The following CDCA5 variants were observed in gnomAD, a reference collection of about 807,000 sequenced individuals.
CDCA5 encodes the protein sororin.
CDCA5 carries 14 observed loss-of-function variants against 25.7 expected under a neutral mutation model. The ratio of observed to expected loss-of-function variants is 0.54; its 90% confidence interval spans 0.36 to 0.85. The LOEUF is 0.85. Among genes scored for constraint, CDCA5 ranks in the 40% least tolerant of loss-of-function variants. The pLI, the probability that CDCA5 is intolerant of heterozygous loss-of-function variation, is 0.01. For synonymous variants in CDCA5, 127 were observed against 128.7 expected, an observed-to-expected ratio of 0.99 and a Z score of 0.09; for missense variants, 307 against 324.5, an observed-to-expected ratio of 0.95 and a Z score of 0.41.
intron 1 of CDCA5, among the ~76,000 whole-genome samples, chr11:65,072,366 G>A (rs115152106): frequency 9.8e-4 from 149 of 152,332 alleles, no homozygotes; most frequent in African/African-American, 3.3e-3. Flanking sequence ...GTGAGCTACC[G>A]GGCTGAGGAC....
intron 1 of CDCA5, among the ~76,000 whole-genome samples, chr11:65,070,047 G>T (rs959246229): frequency 3.9e-5 from 6 of 152,242 alleles, no homozygotes; most frequent in African/African-American, 1.4e-4. Flanking sequence ...AGGATGTGCC[G>T]CCGGGTCTCA....
chr11:65,068,012 C>G (rs1433798662), intron 3 of CDCA5: 1 of 1,283,350 alleles, frequency 7.8e-7, no homozygotes, highest in South Asian at 1.2e-5. Context: ...CTCTCTCTCT[C>G]TCATGCAGCC....
intron 4 of CDCA5, among the ~76,000 whole-genome samples, 155 bp from the exon 5 acceptor site, chr11:65,079,942 G>A (rs1384771935): frequency 2.0e-5 from 3 of 150,372 alleles, no homozygotes; most frequent in Non-Finnish European, 4.4e-5. Context: ...CCAGGCTGGA[G>A]TGCAGTGGCA....
chr11:65,079,548 G>A lies in CDCA5; in HGVS notation c.483C>T (p.Gly161=). The A allele has an allele frequency of 6.2e-7, 1 of 1,614,138 alleles. No homozygotes were observed. The highest frequency in any genetic ancestry group is 8.5e-7 in the Non-Finnish European group (1 of 1,180,002). The change falls in exon 5 of 6, where the codon GGC becomes GGT. Residue 161 remains glycine, a synonymous_variant. Coordinates refer to ENST00000275517, the MANE Select transcript of CDCA5 (RefSeq NM_080668.4). ...CCTCGAAGCCAAAGCAGGACCGGCG[G>A]CCTGGGGTGGAGGTAGAGGCAGAGC... ...TLGSASTSTP[G]RRSCFGFEGL... is the part of the protein sequence containing the mutation.
At chr11:65,067,951 T>G (rs921523447) in intron 3 of CDCA5, 2 of 1,042,814 alleles carry the variant, frequency 1.9e-6, no homozygotes, top group African/African-American at 3.3e-5. Flanking sequence ...ACCATCCACC[T>G]CCCCCAGTTT....
At chr11:65,076,404 T>C (rs1224145515), downstream of CDCA5, among the ~76,000 whole-genome samples, 5 of 152,194 alleles carry the variant, frequency 3.3e-5, no homozygotes, top group Non-Finnish European at 5.9e-5. Context: ...TGTCAGCCAC[T>C]GTGCCCAGCC....
rs1277571616 is a variant in CDCA5 at position 65,084,008 on chromosome 11, C to T, written c.-30G>A. 21 of 1,595,044 alleles carry T rather than the reference C, an allele frequency of 1.3e-5. No individual in the cohort carries two copies. The highest frequency in any genetic ancestry group is 1.8e-5 in the Non-Finnish European group (21 of 1,172,304). ...TAGGCTCCGTCTCGAGCTCCTCCAG[C>T]GCCGCCGCCCCGGGCGCGCGCCAAC... On this transcript the variant is annotated 5_prime_UTR_variant, in exon 1 of 6. Coordinates refer to ENST00000275517, the MANE Select transcript of CDCA5 (RefSeq NM_080668.4).
At chr11:65,071,238 G>A (rs11227114) in intron 1 of CDCA5, among the ~76,000 whole-genome samples, 8 of 151,104 alleles carry the variant, frequency 5.3e-5, no homozygotes, top group South Asian at 2.1e-4. Context: ...CACCGTGCTC[G>A]GCCGGGATTT....
downstream of CDCA5, among the ~76,000 whole-genome samples, chr11:65,061,856 C>T (rs115141806): frequency 5.1e-3 from 770 of 150,764 alleles, 4 homozygotes; most frequent in African/African-American, 0.017. Context: ...ACCAGAAACC[C>T]GCAAGTATAT....
Position 65,077,684 on chromosome 11 carries a change from C to T in CDCA5, c.*1423G>A. On this transcript the variant is annotated 3_prime_UTR_variant, in exon 6 of 6. Transcript: ENST00000275517. Reference sequence around the variant, plus strand: ...GCGGTTCAGCTCAAGGACACCTAGGCTTCCCCAGCAGGGGGCTTGCTTGCA... The same window carrying T: ...GCGGTTCAGCTCAAGGACACCTAGGTTTCCCCAGCAGGGGGCTTGCTTGCA... 4.1e-6 allele frequency: 4 copies of T among 985,492 alleles called. No homozygotes were observed. Among genetic ancestry groups the T allele is most frequent in the Non-Finnish European group, 4.8e-6 (4 of 829,974 alleles). The allele number at this position is 985,492 out of a possible 1,614,324, so 61.0% of individuals were successfully genotyped here. A position where few individuals can be genotyped will look rare whatever the true frequency, so the allele number is the denominator to read the frequency against.
In CDCA5 at chr11:65,083,543, C is replaced by G; in HGVS notation, c.149G>C (p.Ser50Thr). The G allele has an allele frequency of 6.2e-7, 1 of 1,614,176 alleles. No homozygotes were observed. The highest frequency in any genetic ancestry group is 8.5e-7 in the Non-Finnish European group (1 of 1,180,024). The part of the protein sequence containing the change: ...ILPEIWPKTP[S>T]AAAVRKPIVL... ...GATGGGCTTTCTGACTGCAGCCGCA[C>G]TGGGTGTCTGGAGAAGAGGGATGAA... The change falls in exon 3 of 6, where the codon AGT becomes ACT. Residue 50 changes from serine (S) to threonine (T), a missense_variant. Transcript: ENST00000275517.
At chr11:65,073,355 C>G (rs1947377826), downstream of CDCA5, among the ~76,000 whole-genome samples, 1 of 152,194 alleles carries the variant, frequency 6.6e-6, no homozygotes, top group South Asian at 2.1e-4. Flanking sequence ...CCTGGGATCA[C>G]ACAGCTAGAA....
downstream of CDCA5, among the ~76,000 whole-genome samples, chr11:65,061,889 G>A (rs1040083004): frequency 8.9e-5 from 13 of 146,876 alleles, no homozygotes; most frequent in Admixed American, 6.8e-4. Context: ...ACCCATCCCC[G>A]AACTCTTGTA....
At chr11:65,077,004 C>T (rs2062222024), downstream of CDCA5, among the ~76,000 whole-genome samples, 1 of 152,148 alleles carries the variant, frequency 6.6e-6, no homozygotes, top group South Asian at 2.1e-4. Context: ...CGGGGCAGGA[C>T]AGGCCAGGCG....
In CDCA5 at chr11:65,077,558, G is replaced by T; in HGVS notation, c.*1549C>A. On this transcript the variant is annotated 3_prime_UTR_variant, in exon 6 of 6. Transcript: ENST00000275517. Reference sequence around the variant, plus strand: ...CAGGAACAGAGAACTTTGCAATGATGATCTCAACTCTGCATCATCTGGTGA... The same window carrying T: ...CAGGAACAGAGAACTTTGCAATGATTATCTCAACTCTGCATCATCTGGTGA... The T allele has an allele frequency of 1.0e-6, 1 of 985,412 alleles. No individual in the cohort carries two copies. The highest frequency in any genetic ancestry group is 1.2e-6 in the Non-Finnish European group (1 of 829,914). 61.0% of individuals were successfully genotyped at this position (985,412 alleles called of 1,614,324 possible).
chr11:65,071,102 C>G lies in CDCA5; in HGVS notation c.64-2501G>C, dbSNP rs910529965. ...GACTACAGGTGCCCGCCACCACACC[C>G]GGCTAATTTTTTGTATTTTTTAGTA... On this transcript the variant is annotated intron_variant, in intron 1 of 6. Coordinates refer to the CDCA5 transcript ENST00000525464. 6.0e-5 allele frequency among the ~76,000 whole-genome samples: 9 copies of G among 151,094 alleles called. No homozygotes were observed. The South Asian group carries it at 1.9e-3, about 32-fold the overall frequency.
chr11:65,066,922 T>C, intron 4 of CDCA5: 1 of 1,277,734 alleles, frequency 7.8e-7, no homozygotes, highest in Non-Finnish European at 1.0e-6. Flanking sequence ...GCCAGGCTTT[T>C]GTTCCAGGCA....
intron 5 of CDCA5, 72 bp downstream of exon 5, chr11:65,079,281 A>G (rs1947508429): frequency 1.2e-6 from 2 of 1,610,764 alleles, no homozygotes; most frequent in Non-Finnish European, 1.7e-6. Flanking sequence ...CTATCCCCCA[A>G]AAGAGCCAGA....
At position 65,079,066 on chromosome 11, in the gene CDCA5, A is replaced by C; in HGVS notation, c.*41T>G. ...CCACAGGGAGGTGGCTATGTACAGG[A>C]CAGGAGGGAGAGTCTGGCCAGGTGC... On this transcript the variant is annotated 3_prime_UTR_variant, in exon 6 of 6. Transcript: ENST00000275517. 6.7e-7 allele frequency: 1 copy of C among 1,502,586 alleles called. No individual in the cohort carries two copies. Among genetic ancestry groups the C allele is most frequent in the Non-Finnish European group, 8.9e-7 (1 of 1,128,664 alleles). 93.1% of individuals were successfully genotyped at this position (1,502,586 alleles called of 1,614,324 possible). A position where few individuals can be genotyped will look rare whatever the true frequency, so the allele number is the denominator to read the frequency against.
Sources: allele counts gnomAD v4.1 joint callset (sites outside exome capture counted in the v4.1 genomes callset), GRCh38; gene constraint gnomAD v4.1.1; transcripts MANE v1.5; gene names NCBI Gene and HGNC (gene_info 2026-07-23, HGNC 2026-07-21).